Variants in SLC25A21 observed in about 807,000 individuals in gnomAD.
SLC25A21 encodes mitochondrial 2-oxodicarboxylate carrier.
Under a neutral mutation model 43.8 loss-of-function variants are expected in SLC25A21, and 47 were observed. That is an observed-to-expected ratio of 1.07 (90% confidence interval 0.85 to 1.37). The LOEUF (loss-of-function observed/expected upper bound fraction) is 1.37, where lower values mean the gene tolerates loss of function less well. Among genes scored for constraint, SLC25A21 ranks in the 40% most tolerant of loss-of-function variants. SLC25A21 has a pLI of 0.00. For synonymous variants in SLC25A21, 131 were observed against 121.3 expected, an observed-to-expected ratio of 1.08 and a Z score of -0.52; for missense variants, 352 against 350.2, an observed-to-expected ratio of 1.00 and a Z score of -0.04.
chr14:36,834,385 C>T lies in SLC25A21; in HGVS notation c.120-20384G>A, dbSNP rs541220937. Among the ~76,000 whole-genome samples, 33 of 152,282 alleles carry T rather than the reference C, an allele frequency of 2.2e-4. 1 individual carries two copies. In the South Asian group the frequency reaches 6.6e-3, roughly 31 times the overall value. ...AGACAGACCTGGGTTCAAATCCTGGCTATGCCACCTACCTACTGCATGAAC... is the reference window on the plus strand; with the variant it reads ...AGACAGACCTGGGTTCAAATCCTGGTTATGCCACCTACCTACTGCATGAAC... On this transcript the variant is annotated intron_variant, in intron 2 of 9. Transcript: ENST00000331299.
chr14:36,699,457 C>T (rs1486288902), intron 7 of SLC25A21, among the ~76,000 whole-genome samples: 1 of 152,208 alleles, frequency 6.6e-6, no homozygotes, highest in East Asian at 1.9e-4. Flanking sequence ...AAACGCCATG[C>T]TGGGAGAACA....
intron 1 of SLC25A21, among the ~76,000 whole-genome samples, chr14:36,983,704 TATTCACA>T (rs1454637298): frequency 6.6e-6 from 1 of 152,200 alleles, no homozygotes; most frequent in East Asian, 1.9e-4. Flanking sequence ...ATTGCACCAC[TATTCACA>T]ATACCAAAGT....
intron 1 of SLC25A21, among the ~76,000 whole-genome samples, chr14:36,964,888 A>G (rs1310106552): frequency 6.6e-6 from 1 of 152,158 alleles, no homozygotes; most frequent in Non-Finnish European, 1.5e-5. Flanking sequence ...TGTCTCACCA[A>G]TTCAGTTCTG....
chr14:37,043,544 T>G (rs1961519074), intron 1 of SLC25A21, among the ~76,000 whole-genome samples: 1 of 152,182 alleles, frequency 6.6e-6, no homozygotes, highest in African/African-American at 2.4e-5. Flanking sequence ...ACTTTCCCAG[T>G]TGCCTTTGCT....
intron 1 of SLC25A21, among the ~76,000 whole-genome samples, chr14:36,961,966 A>C (rs1959503070): frequency 6.6e-6 from 1 of 152,110 alleles, no homozygotes; most frequent in South Asian, 2.1e-4. Context: ...CAGGACAGCA[A>C]TTAGGGGTGC....
intron 1 of SLC25A21, among the ~76,000 whole-genome samples, chr14:37,162,274 T>C (rs1963957350): frequency 6.6e-6 from 1 of 152,224 alleles, no homozygotes; most frequent in South Asian, 2.1e-4. Context: ...TTTAATTAGA[T>C]CCGATTTGTC....
chr14:37,003,067 C>T (rs146860501), intron 1 of SLC25A21, among the ~76,000 whole-genome samples: 13 of 152,258 alleles, frequency 8.5e-5, no homozygotes, highest in African/African-American at 2.2e-4. Flanking sequence ...GACCCCCCAG[C>T]GGATGCCTGA....
intron 1 of SLC25A21, among the ~76,000 whole-genome samples, chr14:36,891,796 T>C (rs2138583582): frequency 6.6e-6 from 1 of 152,224 alleles, no homozygotes; most frequent in East Asian, 1.9e-4. Flanking sequence ...TCCCACTAAC[T>C]GGAACTTCAA....
intron 3 of SLC25A21, among the ~76,000 whole-genome samples, chr14:36,767,567 T>C (rs1886461345): frequency 6.6e-6 from 1 of 152,186 alleles, no homozygotes. Flanking sequence ...AAACTAGTTA[T>C]TTTAGGGAGA....
chr14:36,854,903 G>A (rs1222571823), intron 2 of SLC25A21, among the ~76,000 whole-genome samples: 1 of 145,862 alleles, frequency 6.9e-6, no homozygotes, highest in Non-Finnish European at 1.5e-5. Context: ...AGGGTAATTG[G>A]TGTCTTTTGT....
chr14:36,992,266 G>C (rs1346284636), intron 1 of SLC25A21, among the ~76,000 whole-genome samples: 1 of 152,094 alleles, frequency 6.6e-6, no homozygotes, highest in Non-Finnish European at 1.5e-5. Context: ...GAGTTGCCCT[G>C]GTAGTGGTAT....
chr14:36,928,273 G>A (rs1183966118), intron 1 of SLC25A21, among the ~76,000 whole-genome samples: 1 of 152,016 alleles, frequency 6.6e-6, no homozygotes, highest in African/African-American at 2.4e-5. Context: ...AAATAAACAG[G>A]TACTCCAAAG....
At chr14:37,042,065 A>C (rs1160965729) in intron 1 of SLC25A21, among the ~76,000 whole-genome samples, 4 of 152,194 alleles carry the variant, frequency 2.6e-5, no homozygotes, top group African/African-American at 9.6e-5. Flanking sequence ...TTTTTCCTCA[A>C]TGATCTCTCT....
chr14:36,895,641 A>C (rs1040172092), intron 1 of SLC25A21, among the ~76,000 whole-genome samples: 17 of 152,042 alleles, frequency 1.1e-4, no homozygotes, highest in Non-Finnish European at 2.1e-4. Context: ...TAGGGTGTCA[A>C]TTTTAGATCT....
intron 3 of SLC25A21, among the ~76,000 whole-genome samples, chr14:36,775,530 G>A (rs1480353628): frequency 6.6e-6 from 1 of 152,210 alleles, no homozygotes; most frequent in Non-Finnish European, 1.5e-5. Flanking sequence ...GAGGGCATCT[G>A]CTGAGCACGG....
intron 1 of SLC25A21, among the ~76,000 whole-genome samples, chr14:36,924,708 A>G (rs1892081611): frequency 6.6e-6 from 1 of 152,162 alleles, no homozygotes; most frequent in South Asian, 2.1e-4. Context: ...ATAAAAAGAT[A>G]CAAGTTAAAA....
At chr14:37,135,496 G>A (rs1401257293) in intron 1 of SLC25A21, among the ~76,000 whole-genome samples, 1 of 152,176 alleles carries the variant, frequency 6.6e-6, no homozygotes, top group Non-Finnish European at 1.5e-5. Flanking sequence ...CCAAAGTGCT[G>A]AAATTACAGG....
chr14:36,806,957 C>T (rs1406239381), intron 3 of SLC25A21: 3 of 152,068 alleles, frequency 2.0e-5, no homozygotes, highest in South Asian at 4.2e-4. Flanking sequence ...AGGGAGCACT[C>T]GAGGGAGGTC....
chr14:37,157,940 C>T (rs1963877719), intron 1 of SLC25A21, among the ~76,000 whole-genome samples: 1 of 152,054 alleles, frequency 6.6e-6, no homozygotes, highest in Admixed American at 6.6e-5. Flanking sequence ...CAAAGATCAT[C>T]AGAGACTGTA....
Sources: allele counts gnomAD v4.1 joint callset (sites outside exome capture counted in the v4.1 genomes callset), GRCh38; gene constraint gnomAD v4.1.1; transcripts MANE v1.5; gene names NCBI Gene and HGNC (gene_info 2026-07-23, HGNC 2026-07-21).